Variants in MAP7 observed in about 807,000 individuals in gnomAD.
The protein encoded by MAP7 is microtubule associated protein 7.
In MAP7, 52 loss-of-function variants were observed where a neutral mutation model predicts 94.8. The observed-to-expected ratio is 0.55, with a 90% CI of 0.44 to 0.69. The LOEUF (loss-of-function observed/expected upper bound fraction) is 0.69, where lower values mean the gene tolerates loss of function less well. Ranked by LOEUF, MAP7 falls within the 30% of genes least tolerant of loss-of-function variation. The pLI, the probability that MAP7 is intolerant of heterozygous loss-of-function variation, is 0.00. For synonymous variants in MAP7, 350 were observed against 357.0 expected, an observed-to-expected ratio of 0.98 and a Z score of 0.22; for missense variants, 940 against 964.6, an observed-to-expected ratio of 0.97 and a Z score of 0.34.
At chr6:136,360,196 GGCTGGAGT>G (rs964071567) in intron 13 of MAP7, among the ~76,000 whole-genome samples, 165 bp from the exon 14 acceptor site, 1 of 150,918 alleles carries the variant, frequency 6.6e-6, no homozygotes, top group Non-Finnish European at 1.5e-5. Flanking sequence ...CTGTCACGCA[GGCTGGAGT>G]GCCGTGTGGC....
chr6:136,385,065 C>T (rs1420607476), intron 5 of MAP7, among the ~76,000 whole-genome samples: 1 of 152,130 alleles, frequency 6.6e-6, no homozygotes, highest in Non-Finnish European at 1.5e-5. Context: ...AAAACTAAAA[C>T]AAAAATACTC....
At chr6:136,455,958 C>T (rs757816583) in intron 1 of MAP7, among the ~76,000 whole-genome samples, 1 of 152,140 alleles carries the variant, frequency 6.6e-6, no homozygotes, top group Non-Finnish European at 1.5e-5. Flanking sequence ...CTTAAATGTG[C>T]ATACAAAACC....
chr6:136,344,299 A>G (rs1787101586), intron 17 of MAP7, 61 bp from the exon 18 acceptor site: 3 of 821,082 alleles, frequency 3.7e-6, no homozygotes, highest in Non-Finnish European at 5.3e-6. Context: ...ATCTTATTTC[A>G]AGAATACCAT....
At chr6:136,435,105 T>G (rs937106806) in intron 1 of MAP7, among the ~76,000 whole-genome samples, 15 of 152,228 alleles carry the variant, frequency 9.9e-5, no homozygotes, top group African/African-American at 3.6e-4. Context: ...GCATTTTATG[T>G]GACCATTTCA....
intron 1 of MAP7, among the ~76,000 whole-genome samples, chr6:136,473,425 A>G (rs1265706861): frequency 1.3e-5 from 2 of 152,216 alleles, no homozygotes; most frequent in African/African-American, 4.8e-5. Context: ...ACTGCTATAA[A>G]TATTTTAGTA....
At chr6:136,469,644 C>A (rs906119686) in intron 1 of MAP7, among the ~76,000 whole-genome samples, 1 of 152,148 alleles carries the variant, frequency 6.6e-6, no homozygotes, top group Admixed American at 6.6e-5. Flanking sequence ...TGTCGGCCTC[C>A]CAAAGTGCTG....
chr6:136,473,433 G>T (rs1809714147), intron 1 of MAP7, among the ~76,000 whole-genome samples: 1 of 152,160 alleles, frequency 6.6e-6, no homozygotes, highest in Admixed American at 6.5e-5. Flanking sequence ...AAATATTTTA[G>T]TATCTGTTCT....
Position 136,343,648 on chromosome 6 carries a change from C to A in MAP7, c.*580G>T, listed in dbSNP as rs1164372337. The A allele has an allele frequency of 6.6e-6, 1 of 152,020 alleles. No individual in the cohort carries two copies. The highest frequency in any genetic ancestry group is 1.9e-4 in the East Asian group (1 of 5,192). The allele number at this position is 152,020 out of a possible 1,614,324, so 9.4% of individuals were successfully genotyped here. ...TAGTCTGCTTTTGCAAAAGGAGTTG[C>A]AAGAAAAATGTGACAGCTGGGTTTG... On this transcript the variant is annotated 3_prime_UTR_variant, in exon 18 of 18. Coordinates refer to ENST00000354570, the MANE Select transcript of MAP7 (RefSeq NM_003980.6).
At chr6:136,390,097 G>C (rs1435385347) in intron 3 of MAP7, among the ~76,000 whole-genome samples, 3 of 152,170 alleles carry the variant, frequency 2.0e-5, no homozygotes, top group Non-Finnish European at 2.9e-5. Context: ...CATATCAAAA[G>C]CTGGATGAAA....
At chr6:136,441,961 T>C (rs1304723341) in intron 1 of MAP7, among the ~76,000 whole-genome samples, 2 of 151,900 alleles carry the variant, frequency 1.3e-5, no homozygotes, top group Non-Finnish European at 2.9e-5. Flanking sequence ...GCAAGTGAGC[T>C]GTGATGGTGC....
chr6:136,471,596 CA>C (rs1417845537), intron 1 of MAP7, among the ~76,000 whole-genome samples: 2 of 151,962 alleles, frequency 1.3e-5, no homozygotes, highest in African/African-American at 4.8e-5. Context: ...TGGACAGTGA[CA>C]AAAGCTACCC....
At chr6:136,367,319 A>C (rs1299460571) in intron 8 of MAP7, among the ~76,000 whole-genome samples, 1 of 152,238 alleles carries the variant, frequency 6.6e-6, no homozygotes, top group Admixed American at 6.5e-5. Context: ...TGGGAGGGGC[A>C]CGTGCTGGAG....
intron 1 of MAP7, among the ~76,000 whole-genome samples, chr6:136,428,608 A>G (rs1793981135): frequency 6.6e-6 from 1 of 152,248 alleles, no homozygotes; most frequent in Admixed American, 6.5e-5. Context: ...AGGAAAGATC[A>G]TGTATATAAC....
chr6:136,424,384 C>T (rs1445755637), intron 1 of MAP7, among the ~76,000 whole-genome samples: 1 of 151,576 alleles, frequency 6.6e-6, no homozygotes, highest in Non-Finnish European at 1.5e-5. Flanking sequence ...TAAGTCTTTG[C>T]TAGCCTTATG....
At chr6:136,526,675 T>C in intron 1 of MAP7, 3 of 985,250 alleles carry the variant, frequency 3.0e-6, no homozygotes, top group Non-Finnish European at 3.6e-6. Context: ...GGAGAAAGAG[T>C]TTTGCTTGCA....
chr6:136,418,204 G>A (rs1790130254), intron 2 of MAP7, among the ~76,000 whole-genome samples: 1 of 151,624 alleles, frequency 6.6e-6, no homozygotes, highest in Non-Finnish European at 1.5e-5. Flanking sequence ...CTTCTGTAAT[G>A]TGGTTTGTTT....
chr6:136,447,312 AC>A (rs1799648540), intron 1 of MAP7, among the ~76,000 whole-genome samples: 1 of 152,204 alleles, frequency 6.6e-6, no homozygotes, highest in Non-Finnish European at 1.5e-5. Context: ...AGTGAGTTAA[AC>A]ATCTGGCAAG....
intron 1 of MAP7, among the ~76,000 whole-genome samples, chr6:136,513,374 G>A (rs1045170085): frequency 2.6e-5 from 4 of 152,120 alleles, no homozygotes; most frequent in East Asian, 1.9e-4. Context: ...CGTCTTCACC[G>A]TAAGTAGATT....
chr6:136,454,741 A>T (rs1170845692), intron 1 of MAP7, among the ~76,000 whole-genome samples: 2 of 151,748 alleles, frequency 1.3e-5, no homozygotes, highest in East Asian at 2.0e-4. Flanking sequence ...CCCATCTCTT[A>T]AAAAAAAGTT....
Sources: allele counts gnomAD v4.1 joint callset (sites outside exome capture counted in the v4.1 genomes callset), GRCh38; gene constraint gnomAD v4.1.1; transcripts MANE v1.5; gene names NCBI Gene and HGNC (gene_info 2026-07-23, HGNC 2026-07-21).